Variants in GLIS3 observed in about 807,000 individuals in gnomAD.
GLIS3 encodes the protein GLIS family zinc finger 3, also known as zinc finger protein GLIS3.
GLIS3 carries 53 observed loss-of-function variants against 78.6 expected under a neutral mutation model. The observed-to-expected ratio is 0.67, with a 90% CI of 0.54 to 0.85. The LOEUF is 0.85. Among genes scored for constraint, GLIS3 ranks in the 40% least tolerant of loss-of-function variants. The probability of loss-of-function intolerance (pLI) is 0.00; values close to 1 mark genes in which losing one functional copy is unlikely to be tolerated. For synonymous variants in GLIS3, 684 were observed against 509.9 expected (o/e 1.34, Z -4.60); for missense variants, 1,703 against 1,231.1 (o/e 1.38, Z -5.74).
At chr9:4,052,563 T>C (rs570964010) in intron 4 of GLIS3, among the ~76,000 whole-genome samples, 1 of 152,216 alleles carries the variant, frequency 6.6e-6, no homozygotes, top group South Asian at 2.1e-4. Flanking sequence ...CTTCTGGACA[T>C]GTCGTAGAAA....
At chr9:4,158,220 A>G (rs992967574) in intron 2 of GLIS3, among the ~76,000 whole-genome samples, 1 of 152,044 alleles carries the variant, frequency 6.6e-6, no homozygotes, top group African/African-American at 2.4e-5. Flanking sequence ...TCTCCATTAC[A>G]TCAATTCTGA....
the GLIS3 span, among the ~76,000 whole-genome samples, chr9:4,431,419 G>C: frequency 4.6e-3 from 699 of 152,284 alleles, 6 homozygotes; most frequent in African/African-American, 0.015. Flanking sequence ...TTCTATTACA[G>C]TTCAGTGTAG....
At chr9:4,213,608 G>C (rs1441976937) in intron 2 of GLIS3, among the ~76,000 whole-genome samples, 3 of 152,100 alleles carry the variant, frequency 2.0e-5, no homozygotes. Flanking sequence ...CATGTGGCTA[G>C]AGACTACCAT....
At chr9:4,466,997 C>T in the GLIS3 span, among the ~76,000 whole-genome samples, 1 of 152,250 alleles carries the variant, frequency 6.6e-6, no homozygotes, top group Non-Finnish European at 1.5e-5. Context: ...CCGCACCTGG[C>T]TCGGCGGGTC....
the GLIS3 span, among the ~76,000 whole-genome samples, chr9:4,419,202 G>C: frequency 1.6e-4 from 24 of 152,272 alleles, no homozygotes; most frequent in African/African-American, 5.8e-4. Context: ...TTACATCAGG[G>C]AGAAAGACTC....
At chr9:4,297,552 G>A (rs911400298) in intron 1 of GLIS3, among the ~76,000 whole-genome samples, 2 of 152,206 alleles carry the variant, frequency 1.3e-5, no homozygotes, top group African/African-American at 4.8e-5. Flanking sequence ...TGAAGTCTTG[G>A]AGGAAGTTGG....
intron 2 of GLIS3, among the ~76,000 whole-genome samples, chr9:4,161,158 G>C (rs912226086): frequency 1.3e-5 from 2 of 151,712 alleles, no homozygotes; most frequent in African/African-American, 4.8e-5. Flanking sequence ...TGGTAGTCCC[G>C]GCTACTCAGG....
At chr9:4,024,572 T>A (rs1285930724) in intron 4 of GLIS3, among the ~76,000 whole-genome samples, 1 of 152,084 alleles carries the variant, frequency 6.6e-6, no homozygotes, top group Non-Finnish European at 1.5e-5. Context: ...TCACAATGAT[T>A]TACTGGTGGG....
chr9:4,202,153 T>TTC (rs1163942937), intron 2 of GLIS3, among the ~76,000 whole-genome samples: 1 of 126 alleles, frequency 7.9e-3, no homozygotes, highest in Non-Finnish European at 0.016. Flanking sequence ...CCCCTTTTTC[T>TTC]TTTTTTTTTT....
chr9:4,302,446 A>G (rs1429030865), upstream of GLIS3, among the ~76,000 whole-genome samples: 2 of 152,270 alleles, frequency 1.3e-5, no homozygotes, highest in Non-Finnish European at 2.9e-5. Flanking sequence ...AAGTATTGGG[A>G]CTAAAGGAAT....
In GLIS3 at chr9:3,932,399, C is replaced by A; in HGVS notation, c.1944G>T (p.Val648=). ...GTTGCTCTTTGGAAGAATGTGCCTT[C>A]ACATGCTTTCTTAGGGAACTTGGGT... ...YTDPSSLRKH[V]KAHSSKEQQA... is the part of the protein sequence containing the mutation. The change falls in exon 6 of 11, where the codon GTG becomes GTT. Residue 648 remains valine, a synonymous_variant. Transcript: ENST00000381971. 1 of 1,613,932 alleles carries A rather than the reference C, an allele frequency of 6.2e-7. No individual in the cohort carries two copies. Among genetic ancestry groups the A allele is most frequent in the Non-Finnish European group, 8.5e-7 (1 of 1,179,834 alleles).
intron 9 of GLIS3, among the ~76,000 whole-genome samples, chr9:3,840,056 T>C (rs922777136): frequency 2.0e-5 from 3 of 152,220 alleles, no homozygotes; most frequent in Admixed American, 2.0e-4. Flanking sequence ...TTTGGATGAA[T>C]GATTTTTTCT....
intron 4 of GLIS3, among the ~76,000 whole-genome samples, chr9:4,033,195 T>C (rs1563968570): frequency 6.6e-6 from 1 of 152,158 alleles, no homozygotes; most frequent in Non-Finnish European, 1.5e-5. Context: ...TGCACCAGAA[T>C]GGCACAGTGC....
chr9:4,078,666 G>A (rs1423542347), intron 4 of GLIS3, among the ~76,000 whole-genome samples: 5 of 152,198 alleles, frequency 3.3e-5, no homozygotes, highest in African/African-American at 1.2e-4. Flanking sequence ...TGCCATTCCT[G>A]CTGTTAGGTT....
At chr9:4,404,600 C>G in the GLIS3 span, among the ~76,000 whole-genome samples, 1 of 152,144 alleles carries the variant, frequency 6.6e-6, no homozygotes, top group Admixed American at 6.5e-5. Context: ...GATAATTAAA[C>G]AACATGCTCC....
chr9:4,371,268 G>A, the GLIS3 span, among the ~76,000 whole-genome samples: 2 of 152,162 alleles, frequency 1.3e-5, no homozygotes, highest in Non-Finnish European at 2.9e-5. Flanking sequence ...GGGACAGGAG[G>A]CATTTAAGTA....
At chr9:4,081,938 C>T (rs1236450889) in intron 4 of GLIS3, among the ~76,000 whole-genome samples, 1 of 152,206 alleles carries the variant, frequency 6.6e-6, no homozygotes, top group African/African-American at 2.4e-5. Context: ...TCATTATGAT[C>T]ACTAAATAGA....
Position 4,013,137 on chromosome 9 carries a change from T to A in GLIS3, c.1711-75948A>T, listed in dbSNP as rs143748363. On this transcript the variant is annotated intron_variant, in intron 4 of 10. Coordinates refer to ENST00000381971, the MANE Select transcript of GLIS3 (RefSeq NM_001042413.2). ...CTCTCTGTGACAGTGTAGCTGTTGG[T>A]GATGCCTGTAAGGAAATTTGGGTTC... is the stretch of plus-strand genomic sequence containing the variant. Among the ~76,000 whole-genome samples the A allele has an allele frequency of 2.0e-5, 3 of 152,268 alleles. No homozygotes were observed. The East Asian group carries it at 5.8e-4, about 29-fold the overall frequency.
chr9:4,267,768 A>G (rs986536997), intron 2 of GLIS3, among the ~76,000 whole-genome samples: 1 of 152,226 alleles, frequency 6.6e-6, no homozygotes, highest in Non-Finnish European at 1.5e-5. Context: ...AAGAGTACAG[A>G]TTCAAATGTT....
Sources: gnomAD v4.1 joint callset for allele counts (sites outside exome capture counted in the v4.1 genomes callset) on GRCh38, gnomAD v4.1.1 for gene constraint, MANE v1.5 for transcripts, NCBI Gene and HGNC (gene_info 2026-07-23, HGNC 2026-07-21) for gene names.